MYO16: variants seen among roughly 807,000 people sequenced by gnomAD.
MYO16 encodes unconventional myosin-XVI.
MYO16 carries 94 observed loss-of-function variants against 205.3 expected under a neutral mutation model. That is an observed-to-expected ratio of 0.46 (90% CI 0.39 to 0.54). The LOEUF is 0.54. Ranked by LOEUF, MYO16 falls within the 20% of genes least tolerant of loss-of-function variation. The probability of loss-of-function intolerance (pLI) is 0.00; values close to 1 mark genes in which losing one functional copy is unlikely to be tolerated. For synonymous variants in MYO16, 988 were observed against 954.0 expected (o/e 1.04, Z -0.66); for missense variants, 2,315 against 2,387.5 (o/e 0.97, Z 0.63).
intron 14 of MYO16, among the ~76,000 whole-genome samples, chr13:108,892,229 A>G (rs987879809): frequency 7.2e-5 from 11 of 152,170 alleles, no homozygotes; most frequent in African/African-American, 2.2e-4. Context: ...GAGCACCTGC[A>G]TAATTCTACA....
At chr13:108,756,554 T>C (rs909117519) in intron 4 of MYO16, among the ~76,000 whole-genome samples, 9 of 152,154 alleles carry the variant, frequency 5.9e-5, no homozygotes, top group Non-Finnish European at 8.8e-5. Context: ...TATATTTTAT[T>C]AGAGGAAATT....
rs771904364 is a variant in MYO16 at position 109,009,012 on chromosome 13, C to T, written c.2558C>T (p.Pro853Leu). 6.2e-7 allele frequency: 1 copy of T among 1,601,278 alleles called. No individual in the cohort carries two copies. Among genetic ancestry groups the T allele is most frequent in the Non-Finnish European group, 8.5e-7 (1 of 1,176,242 alleles). The change falls in exon 22 of 35, where the codon CCT becomes CTT. Residue 853 changes from proline to leucine, a missense_variant. This residue lies in a region of MYO16 where 1,213 missense variants were observed against 1,274.4 expected (regional missense o/e 0.95). Transcript: ENST00000457511. The stretch of plus-strand genomic sequence containing the variant: ...GTTACCATGGAAACAGCATATTCTC[C>T]TGGTAACCAGAATGGAGTTTTGGAC... Reference protein sequence around the residue: ...EGVTMETAYSPGNQNGVLDFF... With the variant: ...EGVTMETAYSLGNQNGVLDFF...
At chr13:108,929,073 A>G (rs551628276) in intron 16 of MYO16, among the ~76,000 whole-genome samples, 2 of 152,238 alleles carry the variant, frequency 1.3e-5, no homozygotes, top group Non-Finnish European at 2.9e-5. Context: ...CTAAATAAAT[A>G]AAAATGCTTT....
At chr13:109,093,533 G>A (rs897423141) in intron 27 of MYO16, among the ~76,000 whole-genome samples, 2 of 152,162 alleles carry the variant, frequency 1.3e-5, no homozygotes, top group African/African-American at 4.8e-5. Context: ...CTCAGTCACA[G>A]TATTTCCCTC....
At chr13:108,658,810 A>G (rs1381477494) in intron 1 of MYO16, among the ~76,000 whole-genome samples, 2 of 152,162 alleles carry the variant, frequency 1.3e-5, no homozygotes, top group African/African-American at 2.4e-5. Context: ...ATGGCCTAAG[A>G]GACAGTTAAT....
the MYO16 span, among the ~76,000 whole-genome samples, chr13:108,583,812 G>A: frequency 1.8e-4 from 28 of 152,250 alleles, no homozygotes; most frequent in African/African-American, 6.5e-4. Context: ...CAATATCATC[G>A]GGAAGAAAAC....
intron 4 of MYO16, among the ~76,000 whole-genome samples, chr13:108,750,616 GAAA>G (rs34552172): frequency 3.1e-5 from 4 of 129,734 alleles, no homozygotes; most frequent in Non-Finnish European, 4.9e-5. Context: ...TAAAACTACA[GAAA>G]AAAAAAAAAA....
intron 3 of MYO16, among the ~76,000 whole-genome samples, chr13:108,715,731 C>T (rs573059071): frequency 1.3e-5 from 2 of 152,218 alleles, no homozygotes; most frequent in South Asian, 2.1e-4. Context: ...CAGATGATAG[C>T]GAAGGAGGCA....
chr13:108,640,071 G>T (rs760918350), intron 1 of MYO16, among the ~76,000 whole-genome samples: 13 of 152,182 alleles, frequency 8.5e-5, no homozygotes, highest in Non-Finnish European at 1.9e-4. Context: ...ATTTGAAATA[G>T]GCATGGGAGT....
chr13:108,818,129 A>G (rs1354095932), intron 7 of MYO16, among the ~76,000 whole-genome samples: 1 of 152,186 alleles, frequency 6.6e-6, no homozygotes, highest in Non-Finnish European at 1.5e-5. Flanking sequence ...CACGCGTGTA[A>G]TCTCAGCAAT....
At position 108,897,888 on chromosome 13, in the gene MYO16, A is replaced by G. The variant is rs752850291; in HGVS notation, c.1660-128A>G. 6.7e-6 allele frequency: 5 copies of G among 746,710 alleles called. No homozygotes were observed. In the East Asian group the frequency reaches 7.8e-5, roughly 12 times the overall value. The allele number at this position is 746,710 out of a possible 1,614,324, so 46.3% of individuals were successfully genotyped here. ...GAAAAAGGGGTCTTAAAAATTCAATATAGCATTCTATGAGCAGGATAGAAA... is the reference window on the plus strand; with the variant it reads ...GAAAAAGGGGTCTTAAAAATTCAATGTAGCATTCTATGAGCAGGATAGAAA... On this transcript the variant is annotated intron_variant, in intron 14 of 34. Transcript: ENST00000457511.
intron 4 of MYO16, chr13:108,779,594 C>G (rs1886234000): frequency 6.6e-6 from 1 of 152,200 alleles, no homozygotes; most frequent in South Asian, 2.1e-4. Flanking sequence ...GAACAGGTAC[C>G]AGCAAAATAT....
chr13:108,837,353 C>G (rs1876984540), intron 9 of MYO16, among the ~76,000 whole-genome samples: 1 of 152,134 alleles, frequency 6.6e-6, no homozygotes, highest in South Asian at 2.1e-4. Flanking sequence ...AATACTCAGT[C>G]TCAAGTGTGT....
At chr13:108,784,193 C>A (rs1351425572) in intron 4 of MYO16, among the ~76,000 whole-genome samples, 1 of 152,070 alleles carries the variant, frequency 6.6e-6, no homozygotes, top group Non-Finnish European at 1.5e-5. Flanking sequence ...GGAAAAGAAT[C>A]ATTAGCAAAG....
At chr13:109,167,379 TAA>T (rs11299162) in intron 33 of MYO16, 53 of 150,204 alleles carry the variant, frequency 3.5e-4, no homozygotes, top group East Asian at 3.3e-3. Flanking sequence ...GTGTTGAGGT[TAA>T]AAAAAAAAAA....
At chr13:109,063,557 T>C (rs561812255) in intron 27 of MYO16, among the ~76,000 whole-genome samples, 1 of 152,196 alleles carries the variant, frequency 6.6e-6, no homozygotes, top group Non-Finnish European at 1.5e-5. Flanking sequence ...CATAGGAATG[T>C]GACTGGCACA....
chr13:108,956,647 A>G (rs997656246), intron 16 of MYO16, among the ~76,000 whole-genome samples: 1 of 152,134 alleles, frequency 6.6e-6, no homozygotes, highest in African/African-American at 2.4e-5. Context: ...ATGCTTGACC[A>G]ATTCTTTCTG....
intron 21 of MYO16, among the ~76,000 whole-genome samples, chr13:109,007,298 T>G (rs550570933): frequency 3.7e-4 from 56 of 150,898 alleles, no homozygotes; most frequent in South Asian, 1.7e-3. Flanking sequence ...TGAGGCAGGA[T>G]AATGGTGTGA....
chr13:108,724,590 T>G (rs1261628933), intron 3 of MYO16, among the ~76,000 whole-genome samples: 1 of 88,622 alleles, frequency 1.1e-5, no homozygotes, highest in Non-Finnish European at 2.2e-5. Context: ...TTCTGCCTTC[T>G]TTAGGTTTGA....
Sources: allele counts gnomAD v4.1 joint callset (sites outside exome capture counted in the v4.1 genomes callset), GRCh38; gene constraint gnomAD v4.1.1; regional missense constraint gnomAD v4.1.1; transcripts MANE v1.5; gene names NCBI Gene and HGNC (gene_info 2026-07-23, HGNC 2026-07-21).